The following SATL1 variants were observed in gnomAD, a reference collection of about 807,000 sequenced individuals.
The protein encoded by SATL1 is spermidine/spermine N(1)-acetyltransferase-like protein 1.
In SATL1, 47 loss-of-function variants were observed where a neutral mutation model predicts 51.8. The ratio of observed to expected loss-of-function variants is 0.91; its 90% CI spans 0.72 to 1.16. The LOEUF (loss-of-function observed/expected upper bound fraction) is 1.16, where lower values mean the gene tolerates loss of function less well. SATL1 is among the 50% of genes most tolerant of loss of function. The pLI is 0.00. For missense variants in SATL1, 520 were observed against 526.4 expected, an observed-to-expected ratio of 0.99 and a Z score of 0.12; for synonymous variants, 176 against 182.4, an observed-to-expected ratio of 0.97 and a Z score of 0.28.
intron 2 of SATL1, among the ~76,000 whole-genome samples, chrX:85,131,001 G>C (rs749263455): frequency 1.2e-4 from 14 of 112,099 alleles, no homozygotes; most frequent in African/African-American, 4.5e-4. Context: ...ATTGCACTGT[G>C]GTCTGAGAGA....
At chrX:85,096,090 G>A (rs943388960) in intron 4 of SATL1, among the ~76,000 whole-genome samples, 1 of 111,245 alleles carries the variant, frequency 9.0e-6, no homozygotes, top group African/African-American at 3.3e-5. Context: ...GCTGATGAAA[G>A]CCAGATGTTT....
At chrX:85,094,326 A>G in intron 5 of SATL1, 97 bp from the exon 6 acceptor site, 1 of 497,190 alleles carries the variant, frequency 2.0e-6, no homozygotes, top group Non-Finnish European at 3.6e-6. Flanking sequence ...TTTAACTATT[A>G]AAGTAATAAA....
chrX:85,158,646 C>T (rs886967197), intron 2 of SATL1, among the ~76,000 whole-genome samples: 2 of 111,507 alleles, frequency 1.8e-5, no homozygotes, highest in Non-Finnish European at 3.8e-5. Context: ...ACTACATTTC[C>T]TAGAGATCCA....
At chrX:85,177,676 G>T (rs1362428582) in intron 2 of SATL1, among the ~76,000 whole-genome samples, 2 of 111,567 alleles carry the variant, frequency 1.8e-5, no homozygotes, top group Non-Finnish European at 3.8e-5. Flanking sequence ...ATAGGAGCAG[G>T]AAAAATATTC....
chrX:85,170,207 C>T (rs1018267600), intron 2 of SATL1, among the ~76,000 whole-genome samples: 1 of 110,803 alleles, frequency 9.0e-6, no homozygotes, highest in Non-Finnish European at 1.9e-5. Flanking sequence ...ACAAAATAAT[C>T]TGTACAACAA....
chrX:85,217,439 A>G (rs1928071360), intron 2 of SATL1, among the ~76,000 whole-genome samples: 1 of 111,378 alleles, frequency 9.0e-6, no homozygotes, highest in African/African-American at 3.3e-5. Context: ...GAGGCAAAAT[A>G]AGACAAAAAG....
chrX:85,127,899 G>A (rs146092503), intron 2 of SATL1, among the ~76,000 whole-genome samples: 11,786 of 110,396 alleles, frequency 0.11, 553 homozygotes, highest in South Asian at 0.22. Context: ...TGCAGTGTTC[G>A]GTTTTCTGTC....
At chrX:85,187,509 TGA>T (rs2147743090) in intron 2 of SATL1, among the ~76,000 whole-genome samples, 1 of 111,853 alleles carries the variant, frequency 8.9e-6, no homozygotes, top group African/African-American at 3.2e-5. Flanking sequence ...ACCAATTTAT[TGA>T]GAGTTTTTGT....
chrX:85,094,916 C>T lies in SATL1; in HGVS notation c.1774G>A (p.Gly592Ser). 8.7e-7 allele frequency: 1 copy of T among 1,155,881 alleles called. No individual in the cohort carries two copies. The highest frequency in any genetic ancestry group is 1.2e-6 in the Non-Finnish European group (1 of 847,633). ...ACTGGAGAAGAAAGGTTTACTCTAC[C>T]TGATGGTTTTTGTTGATCGTTTACT... ...AEVNDQQKPS[G>S]KLTVGFAMYY... The change falls in exon 5 of 8, where the codon GGC (glycine) becomes AGC (serine). Residue 592 changes from glycine to serine, a missense_variant and splice_region_variant. Gly to Ser is a moderately conservative substitution (Grantham distance 56). Around this residue, in one of 3 missense-constraint regions of SATL1, gnomAD observed 488 missense variants for 474.3 expected, o/e 1.03. Coordinates refer to ENST00000644105, the MANE Select transcript of SATL1 (RefSeq NM_001367857.2).
chrX:85,092,631 A>G, intron 7 of SATL1, 70 bp from the exon 8 acceptor site: 1 of 971,589 alleles, frequency 1.0e-6, no homozygotes, highest in Non-Finnish European at 1.4e-6. Context: ...CATATATTTT[A>G]TTGAAGGTCT....
At chrX:85,152,733 C>T (rs976602354) in intron 2 of SATL1, among the ~76,000 whole-genome samples, 24 of 110,491 alleles carry the variant, frequency 2.2e-4, no homozygotes, top group Non-Finnish European at 4.2e-4. Context: ...AAGCAAACAC[C>T]GCATGTTCTC....
At chrX:85,236,113 T>C (rs1928475973) in intron 1 of SATL1, among the ~76,000 whole-genome samples, 1 of 111,415 alleles carries the variant, frequency 9.0e-6, no homozygotes, top group South Asian at 3.7e-4. Flanking sequence ...CCTACACATG[T>C]ACAACCTACG....
intron 2 of SATL1, among the ~76,000 whole-genome samples, chrX:85,174,602 T>C (rs938923263): frequency 1.7e-4 from 19 of 111,239 alleles, no homozygotes; most frequent in African/African-American, 5.9e-4. Flanking sequence ...GGATTACATG[T>C]GTAAGCCACT....
chrX:85,138,025 T>C (rs769078148), intron 2 of SATL1, among the ~76,000 whole-genome samples: 1 of 112,008 alleles, frequency 8.9e-6, no homozygotes, highest in Non-Finnish European at 1.9e-5. Flanking sequence ...TTTCCATCTC[T>C]CTGCTAACAT....
chrX:85,179,912 A>T (rs958657790), intron 2 of SATL1, among the ~76,000 whole-genome samples: 2 of 105,497 alleles, frequency 1.9e-5, no homozygotes, highest in Admixed American at 1.0e-4. Context: ...CTGAATAATT[A>T]AAAAAAAAAC....
chrX:85,150,178 T>TA (rs1394713422), intron 2 of SATL1, among the ~76,000 whole-genome samples: 1 of 111,476 alleles, frequency 9.0e-6, no homozygotes, highest in African/African-American at 3.3e-5. Context: ...CAGAGAATAC[T>TA]AAAAACACCT....
intron 2 of SATL1, among the ~76,000 whole-genome samples, chrX:85,189,876 G>T (rs1177989298): frequency 8.9e-6 from 1 of 111,987 alleles, no homozygotes; most frequent in East Asian, 2.8e-4. Flanking sequence ...TTGCTAGTTA[G>T]TTCTAATTTA....
chrX:85,232,972 C>T (rs1294862710), intron 1 of SATL1, among the ~76,000 whole-genome samples: 4 of 111,841 alleles, frequency 3.6e-5, no homozygotes, highest in African/African-American at 1.3e-4. Context: ...GTAGTGGTTA[C>T]CGCAGGCCTT....
At chrX:85,157,811 T>C (rs1926630929) in intron 2 of SATL1, among the ~76,000 whole-genome samples, 1 of 111,597 alleles carries the variant, frequency 9.0e-6, no homozygotes, top group Admixed American at 9.6e-5. Context: ...TTATGGATAC[T>C]TTTTATTTAA....
Sources: allele counts gnomAD v4.1 joint callset (sites outside exome capture counted in the v4.1 genomes callset), GRCh38; gene constraint gnomAD v4.1.1; regional missense constraint gnomAD v4.1.1; transcripts MANE v1.5; gene names NCBI Gene and HGNC (gene_info 2026-07-23, HGNC 2026-07-21).